Variants in CCNF observed in about 807,000 individuals in gnomAD.
The protein encoded by CCNF is cyclin-F.
Under a neutral mutation model 85.4 loss-of-function variants are expected in CCNF, and 30 were observed. That is an observed-to-expected ratio of 0.35 (90% CI 0.26 to 0.48). CCNF has a LOEUF of 0.48. Among genes scored for constraint, CCNF ranks in the 20% least tolerant of loss-of-function variants. CCNF has a pLI of 0.99. For missense variants in CCNF, 919 were observed against 1,010.4 expected (o/e 0.91, Z 1.23); for synonymous variants, 439 against 425.1 (o/e 1.03, Z -0.40).
chr16:2,454,807 C>G (rs1241936045), intron 15 of CCNF, among the ~76,000 whole-genome samples: 1 of 152,190 alleles, frequency 6.6e-6, no homozygotes, highest in African/African-American at 2.4e-5. Context: ...TGCCTGTAAT[C>G]CCAGCACTTT....
In CCNF at chr16:2,453,268, C is replaced by T. The variant is rs2065404880; in HGVS notation, c.1546C>T (p.Arg516Trp). The T allele has an allele frequency of 3.1e-6, 5 of 1,613,946 alleles. No individual in the cohort carries two copies. The highest frequency in any genetic ancestry group is 1.3e-5 in the African/African-American group (1 of 75,034). Reference sequence around the variant, plus strand: ...AGTCTCTCTGACCGCCGTGAAGCAGCGGTTTGAGGACAAGCGCTATGGAGA... The same window carrying T: ...AGTCTCTCTGACCGCCGTGAAGCAGTGGTTTGAGGACAAGCGCTATGGAGA... Reference protein sequence around the residue: ...RQVSLTAVKQRFEDKRYGEIS... With the variant: ...RQVSLTAVKQWFEDKRYGEIS... Residue 516 changes from arginine to tryptophan, a missense_variant, in exon 14 of 17, where the codon CGG becomes TGG. By Grantham distance (101) the Arg-to-Trp change is moderately radical. Transcript: ENST00000397066. The surrounding 1 kb of genome is among the most constrained non-coding windows in gnomAD (Gnocchi z 5.6).
intron 4 of CCNF, chr16:2,436,328 C>T (rs1031359748): frequency 6.5e-6 from 1 of 154,002 alleles, no homozygotes; most frequent in Admixed American, 6.5e-5. Flanking sequence ...GGCCTGGTGC[C>T]TGGATCCCTT....
intron 8 of CCNF, 30 bp from the exon 9 acceptor site, chr16:2,443,619 T>C (rs770551533): frequency 6.2e-7 from 1 of 1,606,744 alleles, no homozygotes; most frequent in South Asian, 1.1e-5. Context: ...GGCTGCTGTC[T>C]CACGCTCATG....
intron 8 of CCNF, among the ~76,000 whole-genome samples, chr16:2,443,007 A>G (rs2065340101): frequency 8.8e-6 from 1 of 114,232 alleles, no homozygotes; most frequent in Non-Finnish European, 1.7e-5. Context: ...TATATATTAT[A>G]TAATTATATT....
chr16:2,443,848 G>T, intron 9 of CCNF, 48 bp downstream of exon 9: 2 of 1,576,934 alleles, frequency 1.3e-6, no homozygotes, highest in South Asian at 2.2e-5. Context: ...GCGGAAGCCA[G>T]CCTCCAGGGG....
intron 9 of CCNF, among the ~76,000 whole-genome samples, chr16:2,444,900 CTTT>C (rs35090353): frequency 7.1e-5 from 10 of 140,862 alleles, no homozygotes; most frequent in Admixed American, 7.1e-5. Flanking sequence ...CATTGAACAT[CTTT>C]TTTTTTTTTT....
At chr16:2,435,182 C>T (rs1013642650) in intron 3 of CCNF, among the ~76,000 whole-genome samples, 6 of 143,444 alleles carry the variant, frequency 4.2e-5, no homozygotes, top group Admixed American at 2.2e-4. Flanking sequence ...ACCTGGGAGG[C>T]GGAGCTTGTA....
intron 3 of CCNF, among the ~76,000 whole-genome samples, chr16:2,433,314 A>C (rs770751518): frequency 2.6e-5 from 4 of 152,218 alleles, no homozygotes; most frequent in Non-Finnish European, 4.4e-5. Context: ...TGGTGCCTCC[A>C]GAGGGCTGTG....
chr16:2,429,648 C>T (rs2065252723), intron 1 of CCNF, 151 bp downstream of exon 1: 3 of 848,796 alleles, frequency 3.5e-6, no homozygotes, highest in Non-Finnish European at 4.6e-6. Flanking sequence ...TCGCGTCCCG[C>T]GCAGGGAGCC....
intron 2 of CCNF, among the ~76,000 whole-genome samples, chr16:2,432,001 A>G (rs2065265374): frequency 6.6e-6 from 1 of 151,448 alleles, no homozygotes; most frequent in South Asian, 2.1e-4. Context: ...CGGCTAATTT[A>G]TTGTATTTTT....
chr16:2,443,704 C>T lies in CCNF; in HGVS notation c.833C>T (p.Ala278Val). ...NANQLGLEVRASSEIVCQLFQ... is the reference protein window; with the variant it reads ...NANQLGLEVRVSSEIVCQLFQ... ...AACCAGCTTGGACTGGAGGTGAGAGCTTCCAGTGAGATCGTCTGCCAGCTA... is the reference window on the plus strand; with the variant it reads ...AACCAGCTTGGACTGGAGGTGAGAGTTTCCAGTGAGATCGTCTGCCAGCTA... Residue 278 changes from alanine to valine, a missense_variant, in exon 9 of 17, where the codon GCT (alanine) becomes GTT (valine). Around this residue, in one of 3 missense-constraint regions of CCNF, gnomAD observed 410 missense variants for 478.6 expected, o/e 0.86. Coordinates refer to ENST00000397066, the MANE Select transcript of CCNF (RefSeq NM_001761.3). The T allele has an allele frequency of 6.2e-7, 1 of 1,614,126 alleles. No individual in the cohort carries two copies. Among genetic ancestry groups the T allele is most frequent in the Non-Finnish European group, 8.5e-7 (1 of 1,179,982 alleles).
chr16:2,437,083 C>T lies in CCNF; in HGVS notation c.347-46C>T, dbSNP rs199799224. On this transcript the variant is annotated intron_variant, in intron 4 of 16. Transcript: ENST00000397066. Reference sequence around the variant, plus strand: ...AGACCATGGAGAGCTTTCCACATTCCGTCCCTAAGAGACATCCCTGGGCTC... The same window carrying T: ...AGACCATGGAGAGCTTTCCACATTCTGTCCCTAAGAGACATCCCTGGGCTC... 53 of 1,448,828 alleles carry T rather than the reference C, an allele frequency of 3.7e-5. 1 individual carries two copies. Among genetic ancestry groups the T allele is most frequent in the African/African-American group, 2.3e-4 (16 of 70,600 alleles). The allele number at this position is 1,448,828 out of a possible 1,614,324, so 89.7% of individuals were successfully genotyped here.
At chr16:2,435,279 A>G (rs2141815768) in intron 3 of CCNF, among the ~76,000 whole-genome samples, 1 of 150,756 alleles carries the variant, frequency 6.6e-6, no homozygotes, top group East Asian at 2.0e-4. Context: ...AAAGAAAAAA[A>G]AAAAGAAATG....
At chr16:2,435,447 T>C (rs1224328583) in intron 3 of CCNF, among the ~76,000 whole-genome samples, 1 of 149,868 alleles carries the variant, frequency 6.7e-6, no homozygotes, top group Non-Finnish European at 1.5e-5. Flanking sequence ...TAGCTGAGCA[T>C]GGTGGCACAT....
intron 9 of CCNF, among the ~76,000 whole-genome samples, chr16:2,444,183 T>G (rs894119541): frequency 2.0e-5 from 3 of 151,996 alleles, no homozygotes; most frequent in Non-Finnish European, 2.9e-5. Flanking sequence ...CCTCCCAAAG[T>G]GCTGGGATTA....
chr16:2,439,488 G>C (rs777908743), intron 7 of CCNF, 31 bp downstream of exon 7: 5 of 1,498,994 alleles, frequency 3.3e-6, no homozygotes, highest in Non-Finnish European at 3.7e-6. Context: ...GTCGGGGGGA[G>C]TTATGCTGGA....
intron 10 of CCNF, among the ~76,000 whole-genome samples, chr16:2,446,305 C>G (rs889263652): frequency 1.3e-5 from 2 of 152,232 alleles, no homozygotes; most frequent in Admixed American, 1.3e-4. Context: ...GGCTGCCCTT[C>G]TCTGAAGTTG....
At chr16:2,442,734 AT>A (rs2065335382) in intron 8 of CCNF, among the ~76,000 whole-genome samples, 1 of 6,840 alleles carries the variant, frequency 1.5e-4, no homozygotes, top group Non-Finnish European at 2.2e-4. Context: ...ATTGTATAAC[AT>A]ATAATTATAT....
chr16:2,454,623 G>A (rs1450641654), intron 15 of CCNF, among the ~76,000 whole-genome samples: 2 of 152,190 alleles, frequency 1.3e-5, no homozygotes, highest in Admixed American at 6.5e-5. Context: ...CTTTTCCCAG[G>A]CTCACGCCCA....
Sources: gnomAD v4.1 joint callset for allele counts (sites outside exome capture counted in the v4.1 genomes callset) on GRCh38, gnomAD v4.1.1 for gene constraint, gnomAD v4.1.1 regional missense constraint, Gnocchi (gnomAD v3.1) non-coding constraint, MANE v1.5 for transcripts, NCBI Gene and HGNC (gene_info 2026-07-23, HGNC 2026-07-21) for gene names.